EPC1: variants seen among roughly 807,000 people sequenced by gnomAD.
EPC1 encodes enhancer of polycomb homolog 1.
Under a neutral mutation model 98.4 loss-of-function variants are expected in EPC1, and 12 were observed. The observed-to-expected ratio is 0.12, with a 90% CI of 0.08 to 0.20. The LOEUF is 0.20. Ranked by LOEUF, EPC1 falls within the 10% of genes least tolerant of loss-of-function variation. EPC1 has a pLI of 1.00. For synonymous variants in EPC1, 357 were observed against 363.9 expected (o/e 0.98, Z 0.21); for missense variants, 729 against 990.5 (o/e 0.74, Z 3.54).
rs139103222 is a variant in EPC1, at chr10:32,328,688, A to T, written c.153+18075T>A. Among the ~76,000 whole-genome samples, 20 of 152,224 alleles carry T rather than the reference A, an allele frequency of 1.3e-4. No homozygotes were observed. The East Asian group carries it at 1.5e-3, about 12-fold the overall frequency. The stretch of plus-strand genomic sequence containing the variant: ...GCAGACCTAGTGCTGAAACCAGCAC[A>T]CTCTCCATATCTAGGGTAAGCCAGC... On this transcript the variant is annotated intron_variant, in intron 1 of 13. Coordinates refer to ENST00000319778, the MANE Select transcript of EPC1 (RefSeq NM_001272004.3).
intron 10 of EPC1, among the ~76,000 whole-genome samples, chr10:32,277,913 T>C (rs1295123223): frequency 1.3e-5 from 2 of 152,022 alleles, no homozygotes; most frequent in Admixed American, 6.6e-5. Context: ...AGCCATGGTA[T>C]GGTACACCAG....
Position 32,300,104 on chromosome 10 carries a change from A to G in EPC1, c.313+5668T>C, listed in dbSNP as rs1290753318. Among the ~76,000 whole-genome samples the G allele has an allele frequency of 2.0e-5, 3 of 151,676 alleles. No individual in the cohort carries two copies. The East Asian group carries it at 5.8e-4, about 29-fold the overall frequency. On this transcript the variant is annotated intron_variant, in intron 2 of 13. Transcript: ENST00000319778. ...TTTTTTGTATTTTTAGTAGAGACAGAGTTTCACTGTGTTAGCTAGGATGGT... is the reference window on the plus strand; with the variant it reads ...TTTTTTGTATTTTTAGTAGAGACAGGGTTTCACTGTGTTAGCTAGGATGGT...
At chr10:32,272,220 A>C in intron 11 of EPC1, 53 bp from the exon 12 acceptor site, 1 of 1,455,012 alleles carries the variant, frequency 6.9e-7, no homozygotes, top group Non-Finnish European at 9.3e-7. Flanking sequence ...TATCAAATCA[A>C]TATCAAAACT....
chr10:32,322,438 AAATT>A (rs1836984886), intron 1 of EPC1, among the ~76,000 whole-genome samples: 1 of 152,192 alleles, frequency 6.6e-6, no homozygotes, highest in Non-Finnish European at 1.5e-5. Context: ...GAAGATAACT[AAATT>A]ATTTACCATC....
intron 1 of EPC1, among the ~76,000 whole-genome samples, chr10:32,343,154 A>G (rs1346724122): frequency 6.6e-6 from 1 of 152,158 alleles, no homozygotes; most frequent in Admixed American, 6.5e-5. Context: ...CTGTGATTTA[A>G]GTCACATCTG....
intron 1 of EPC1, among the ~76,000 whole-genome samples, chr10:32,352,384 C>T (rs1255145464): frequency 6.6e-6 from 1 of 152,064 alleles, no homozygotes; most frequent in African/African-American, 2.4e-5. Context: ...CCTCCCTGTC[C>T]TGCCTCAGAC....
intron 2 of EPC1, among the ~76,000 whole-genome samples, chr10:32,304,596 GA>G (rs1466713640): frequency 6.6e-6 from 1 of 152,004 alleles, no homozygotes; most frequent in Non-Finnish European, 1.5e-5. Context: ...CTGTCCTAAA[GA>G]AAAAAAATTT....
chr10:32,331,604 A>G (rs1837646024), intron 1 of EPC1, among the ~76,000 whole-genome samples: 1 of 152,196 alleles, frequency 6.6e-6, no homozygotes, highest in South Asian at 2.1e-4. Flanking sequence ...AGACTTAGAG[A>G]TAACATATAA....
intron 1 of EPC1, chr10:32,374,526 G>A (rs955140940): frequency 4.6e-5 from 7 of 152,046 alleles, no homozygotes; most frequent in Non-Finnish European, 1.0e-4. Flanking sequence ...ACCATCTGTA[G>A]CATCTATTTG....
At chr10:32,368,629 A>G (rs1194326729) in intron 1 of EPC1, among the ~76,000 whole-genome samples, 1 of 152,208 alleles carries the variant, frequency 6.6e-6, no homozygotes, top group African/African-American at 2.4e-5. Context: ...AATAAACCTT[A>G]TACTCTATGT....
At chr10:32,310,741 G>A (rs1000669804) in intron 1 of EPC1, among the ~76,000 whole-genome samples, 3 of 152,118 alleles carry the variant, frequency 2.0e-5, no homozygotes, top group Admixed American at 6.6e-5. Flanking sequence ...AGGCATGGTG[G>A]CAGGTGCCTG....
In EPC1 at chr10:32,271,823, T is replaced by C. The variant is rs150041891; in HGVS notation, c.2100A>G (p.Ser700=). The change falls in exon 13 of 14, where the codon TCA becomes TCG. Residue 700 remains serine (S), a synonymous_variant. Transcript: ENST00000319778. ...GGGAACTTGAAGTCTGTGTAATATT[T>C]GAAGGCTGTAACAAAGCTGAACCTG... The part of the protein sequence containing the change: ...STAGSALLQP[S]NITQTSSSHS... 1.2e-4 allele frequency: 188 copies of C among 1,614,160 alleles called. 2 individuals are homozygous for C. Among genetic ancestry groups the C allele is most frequent in the South Asian group, 5.4e-4 (49 of 91,082 alleles).
intron 11 of EPC1, 175 bp from the exon 12 acceptor site, chr10:32,272,342 T>C (rs1176711431): frequency 3.7e-6 from 2 of 542,140 alleles, no homozygotes; most frequent in Non-Finnish European, 6.4e-6. Context: ...TTGATAGTCA[T>C]ATATTTGATA....
intron 6 of EPC1, among the ~76,000 whole-genome samples, chr10:32,289,270 A>C (rs191050397): frequency 6.6e-6 from 1 of 152,186 alleles, no homozygotes; most frequent in Admixed American, 6.5e-5. Context: ...TGAAGAGAAT[A>C]ACGAGAATAA....
intron 10 of EPC1, among the ~76,000 whole-genome samples, chr10:32,274,851 C>T (rs1039340410): frequency 6.6e-6 from 1 of 152,006 alleles, no homozygotes; most frequent in Non-Finnish European, 1.5e-5. Context: ...GTCAATGCTG[C>T]CCTCAAATAA....
At position 32,344,583 on chromosome 10, in the gene EPC1, C is replaced by G. The variant is rs1397348460; in HGVS notation, c.153+2180G>C. ...GGCGGATCACCTGAGGTCAGGAGTTCAAAACCAGTCTGGCCAACATGGCAA... is the reference window on the plus strand; with the variant it reads ...GGCGGATCACCTGAGGTCAGGAGTTGAAAACCAGTCTGGCCAACATGGCAA... On this transcript the variant is annotated intron_variant, in intron 1 of 13. Coordinates refer to ENST00000319778, the MANE Select transcript of EPC1 (RefSeq NM_001272004.3). Among the ~76,000 whole-genome samples the G allele has an allele frequency of 2.7e-5, 4 of 149,966 alleles. No individual in the cohort carries two copies. In the East Asian group the frequency reaches 7.9e-4, roughly 30 times the overall value.
chr10:32,325,884 T>C (rs1348240243), intron 1 of EPC1, among the ~76,000 whole-genome samples: 1 of 152,182 alleles, frequency 6.6e-6, no homozygotes, highest in Non-Finnish European at 1.5e-5. Context: ...TAGGAATTTA[T>C]TTCAGTCTGA....
Position 32,273,216 on chromosome 10 carries a change from C to T in EPC1, c.1810G>A (p.Ala604Thr), listed in dbSNP as rs150143347. 78 of 1,613,930 alleles carry T rather than the reference C, an allele frequency of 4.8e-5. No individual in the cohort carries two copies. Among genetic ancestry groups the T allele is most frequent in the Middle Eastern group, 3.3e-4 (2 of 6,084 alleles). The change falls in exon 11 of 14, where the codon GCA becomes ACA. Residue 604 changes from alanine to threonine, a missense_variant. By Grantham distance (58) the Ala-to-Thr change is moderately conservative. This residue lies in a region of EPC1 where 390 missense variants were observed against 438.6 expected (regional missense o/e 0.89). Coordinates refer to ENST00000319778, the MANE Select transcript of EPC1 (RefSeq NM_001272004.3). Reference protein sequence around the residue: ...QLALMQKQQLAQIQQQQANSN... With the variant: ...QLALMQKQQLTQIQQQQANSN... ...TTTGCTTGCTGTTGCTGAATTTGTG[C>T]AAGCTGCTGTTTCTGCATGAGTGCC...
rs183787194 is a variant in EPC1 at position 32,365,776 on chromosome 10, G to A, written c.3+12715C>T. 6.0e-3 allele frequency among the ~76,000 whole-genome samples: 708 copies of A among 118,576 alleles called. 10 individuals carry two copies. The highest frequency in any genetic ancestry group is 0.023 in the African/African-American group (688 of 30,296). The allele number at this position is 118,576 out of a possible 152,430, so 77.8% of individuals were successfully genotyped here. On this transcript the variant is annotated intron_variant, in intron 1 of 13. Transcript: ENST00000375110. ...AGAGGTTGCACTGAGCCGAGATCAC[G>A]CCACTGCACTCCAACCTGGGCAACA...
Sources: gnomAD v4.1 joint callset for allele counts (sites outside exome capture counted in the v4.1 genomes callset) on GRCh38, gnomAD v4.1.1 for gene constraint, gnomAD v4.1.1 regional missense constraint, MANE v1.5 for transcripts, NCBI Gene and HGNC (gene_info 2026-07-23, HGNC 2026-07-21) for gene names.